GNA14: variants seen among roughly 807,000 people sequenced by gnomAD.
GNA14 encodes G protein subunit alpha 14, also known as guanine nucleotide-binding protein subunit alpha-14.
In GNA14, 50 loss-of-function variants were observed where a neutral mutation model predicts 42.0. That is an observed-to-expected ratio of 1.19 (90% CI 0.95 to 1.51). The LOEUF (loss-of-function observed/expected upper bound fraction) is 1.51, where lower values mean the gene tolerates loss of function less well. Among genes scored for constraint, GNA14 ranks in the 40% most tolerant of loss-of-function variants. The pLI is 0.00. For missense variants in GNA14, 473 were observed against 446.2 expected, an observed-to-expected ratio of 1.06 and a Z score of -0.54; for synonymous variants, 173 against 163.1, an observed-to-expected ratio of 1.06 and a Z score of -0.46.
chr9:77,608,647 C>A (rs1213233035), intron 1 of GNA14, among the ~76,000 whole-genome samples: 2 of 151,664 alleles, frequency 1.3e-5, no homozygotes, highest in Non-Finnish European at 2.9e-5. Context: ...TGGGATTATT[C>A]TTCCCTTTTC....
intron 2 of GNA14, among the ~76,000 whole-genome samples, chr9:77,441,515 A>G (rs1486603979): frequency 6.6e-6 from 1 of 152,246 alleles, no homozygotes; most frequent in Non-Finnish European, 1.5e-5. Context: ...TAATACACTT[A>G]TTATAGATAA....
intron 1 of GNA14, among the ~76,000 whole-genome samples, chr9:77,603,644 G>A (rs541767413): frequency 5.9e-4 from 89 of 152,058 alleles, no homozygotes; most frequent in South Asian, 1.2e-3. Context: ...GGAATCCAAG[G>A]GCAGCCAGCA....
At chr9:77,484,653 T>C (rs1243709484) in intron 2 of GNA14, among the ~76,000 whole-genome samples, 2 of 152,170 alleles carry the variant, frequency 1.3e-5, no homozygotes, top group African/African-American at 4.8e-5. Flanking sequence ...ATGGAGGGTA[T>C]ATTCCAAGAC....
At chr9:77,505,942 T>G (rs1353391936) in intron 2 of GNA14, among the ~76,000 whole-genome samples, 1 of 152,044 alleles carries the variant, frequency 6.6e-6, no homozygotes, top group East Asian at 1.9e-4. Context: ...TTATGAAATT[T>G]AAAACTTTTT....
At chr9:77,522,328 T>C (rs1341713046) in intron 2 of GNA14, among the ~76,000 whole-genome samples, 1 of 152,188 alleles carries the variant, frequency 6.6e-6, no homozygotes, top group Non-Finnish European at 1.5e-5. Flanking sequence ...ATCTCAGAGC[T>C]GGAACTCTGG....
At chr9:77,490,955 G>C (rs957213090) in intron 2 of GNA14, among the ~76,000 whole-genome samples, 1 of 152,236 alleles carries the variant, frequency 6.6e-6, no homozygotes, top group Admixed American at 6.5e-5. Context: ...CACAAGGAGA[G>C]AATCCTAAAA....
intron 1 of GNA14, among the ~76,000 whole-genome samples, chr9:77,633,666 C>T (rs1824134185): frequency 6.6e-6 from 1 of 151,680 alleles, no homozygotes; most frequent in Non-Finnish European, 1.5e-5. Context: ...GAAGCGGGCA[C>T]AGCAGATATT....
intron 1 of GNA14, among the ~76,000 whole-genome samples, chr9:77,576,590 T>C (rs1391399106): frequency 6.6e-6 from 1 of 152,106 alleles, no homozygotes; most frequent in Non-Finnish European, 1.5e-5. Context: ...GGAACTCTAA[T>C]GATTAGATAT....
chr9:77,599,886 A>G (rs1272338220), intron 1 of GNA14, among the ~76,000 whole-genome samples: 1 of 152,218 alleles, frequency 6.6e-6, no homozygotes, highest in Non-Finnish European at 1.5e-5. Flanking sequence ...AAAATCTAGC[A>G]AAACAAAAAA....
chr9:77,522,713 T>C (rs901281267), intron 2 of GNA14, among the ~76,000 whole-genome samples: 3 of 152,154 alleles, frequency 2.0e-5, no homozygotes, highest in African/African-American at 7.2e-5. Context: ...TTCCAGAGCA[T>C]TAACTCTGAG....
intron 1 of GNA14, among the ~76,000 whole-genome samples, chr9:77,604,000 A>G (rs1376526267): frequency 6.7e-6 from 1 of 148,810 alleles, no homozygotes; most frequent in African/African-American, 2.5e-5. Context: ...AGAAAAGTCT[A>G]GAGAGTCACT....
chr9:77,562,054 G>A (rs754639090), intron 1 of GNA14, among the ~76,000 whole-genome samples: 8 of 152,068 alleles, frequency 5.3e-5, no homozygotes, highest in Non-Finnish European at 1.0e-4. Flanking sequence ...TTCACAATAC[G>A]GATTAAGAAA....
chr9:77,572,828 G>A (rs143033497), intron 1 of GNA14, among the ~76,000 whole-genome samples: 1 of 152,068 alleles, frequency 6.6e-6, no homozygotes, highest in African/African-American at 2.4e-5. Context: ...TGAATGCTTT[G>A]GGGTTATAGT....
chr9:77,621,913 A>G (rs1025819109), intron 1 of GNA14, among the ~76,000 whole-genome samples: 20 of 152,228 alleles, frequency 1.3e-4, no homozygotes, highest in African/African-American at 4.8e-4. Context: ...GCTCTATTTC[A>G]TATTGTTCGT....
At chr9:77,624,654 A>C (rs1420481950) in intron 1 of GNA14, among the ~76,000 whole-genome samples, 1 of 152,150 alleles carries the variant, frequency 6.6e-6, no homozygotes, top group African/African-American at 2.4e-5. Context: ...CCTCCAGCAA[A>C]CTCCAGCAGA....
chr9:77,505,479 T>G (rs936060719), intron 2 of GNA14, among the ~76,000 whole-genome samples: 2 of 152,220 alleles, frequency 1.3e-5, no homozygotes, highest in African/African-American at 4.8e-5. Flanking sequence ...TCCATTTCCC[T>G]GCAGACTGGA....
intron 1 of GNA14, among the ~76,000 whole-genome samples, chr9:77,621,768 G>C (rs976888635): frequency 3.9e-5 from 6 of 152,148 alleles, no homozygotes; most frequent in Admixed American, 1.3e-4. Flanking sequence ...ATATTAAAAG[G>C]GATGATTTCG....
intron 2 of GNA14, among the ~76,000 whole-genome samples, chr9:77,442,233 C>A (rs1287512376): frequency 1.3e-5 from 2 of 152,042 alleles, no homozygotes; most frequent in Non-Finnish European, 2.9e-5. Context: ...ATTAGATGGG[C>A]GTGTGATGCA....
At chr9:77,506,595 T>C (rs1837074596) in intron 2 of GNA14, among the ~76,000 whole-genome samples, 1 of 152,040 alleles carries the variant, frequency 6.6e-6, no homozygotes, top group South Asian at 2.1e-4. Flanking sequence ...GAGAACTGCT[T>C]GAACCCAGGA....
Sources: gnomAD v4.1 joint callset for allele counts (sites outside exome capture counted in the v4.1 genomes callset) on GRCh38, gnomAD v4.1.1 for gene constraint, MANE v1.5 for transcripts, NCBI Gene and HGNC (gene_info 2026-07-23, HGNC 2026-07-21) for gene names.